ERBIN: variants seen among roughly 807,000 people sequenced by gnomAD.
ERBIN encodes densin-180-like protein.
Under a neutral mutation model 158.4 loss-of-function variants are expected in ERBIN, and 60 were observed. The observed-to-expected ratio is 0.38, with a 90% CI of 0.31 to 0.47. ERBIN has a LOEUF of 0.47. Ranked by LOEUF, ERBIN falls within the 20% of genes least tolerant of loss-of-function variation. ERBIN has a pLI of 0.99. For synonymous variants in ERBIN, 594 were observed against 557.2 expected (o/e 1.07, Z -0.93); for missense variants, 1,610 against 1,648.0 (o/e 0.98, Z 0.40).
intron 4 of ERBIN, 85 bp downstream of exon 4, chr5:65,994,949 T>C (rs1752260428): frequency 1.2e-6 from 1 of 811,270 alleles, no homozygotes; most frequent in Non-Finnish European, 2.0e-6. Flanking sequence ...AAAATAAAAA[T>C]ATAAAAATAA....
intron 25 of ERBIN, among the ~76,000 whole-genome samples, chr5:66,078,114 G>A (rs960630057): frequency 1.3e-5 from 2 of 152,132 alleles, no homozygotes; most frequent in African/African-American, 4.8e-5. Context: ...CCCCTGCTAC[G>A]CTACAGTTTG....
chr5:65,955,623 C>CAACA (rs199903769), intron 1 of ERBIN, among the ~76,000 whole-genome samples: 8 of 152,296 alleles, frequency 5.3e-5, no homozygotes, highest in African/African-American at 1.7e-4. Flanking sequence ...GACTCCATCT[C>CAACA]AACAAACAAA....
At chr5:66,076,027 C>T (rs947126024) in intron 23 of ERBIN, 16 of 322,630 alleles carry the variant, frequency 5.0e-5, no homozygotes, top group South Asian at 8.7e-5. Flanking sequence ...AAATCTGTGA[C>T]GTCTAAAAAG....
chr5:66,016,804 G>A (rs1394906353), intron 7 of ERBIN, among the ~76,000 whole-genome samples: 5 of 151,924 alleles, frequency 3.3e-5, no homozygotes, highest in South Asian at 2.1e-4. Context: ...TAGTAGAGAC[G>A]GGGTTTTGCT....
At chr5:65,941,968 C>T (rs898417446) in intron 1 of ERBIN, among the ~76,000 whole-genome samples, 1 of 152,150 alleles carries the variant, frequency 6.6e-6, no homozygotes, top group Non-Finnish European at 1.5e-5. Flanking sequence ...TCTCGATCTC[C>T]TGACCTCGTG....
intron 4 of ERBIN, among the ~76,000 whole-genome samples, chr5:65,998,316 A>G (rs1032456811): frequency 4.0e-5 from 6 of 150,680 alleles, no homozygotes; most frequent in Non-Finnish European, 7.4e-5. Flanking sequence ...ATTGAAATGT[A>G]TGTTTTATAG....
At position 66,054,181 on chromosome 5, in the gene ERBIN, C is replaced by G. The variant is rs764848212; in HGVS notation, c.2863C>G (p.Pro955Ala). 1.2e-6 allele frequency: 2 copies of G among 1,614,016 alleles called. No homozygotes were observed. The highest frequency in any genetic ancestry group is 8.5e-7 in the Non-Finnish European group (1 of 1,180,016). The change falls in exon 21 of 26, where the codon CCA becomes GCA. Residue 955 changes from proline (P) to alanine (A), a missense_variant. This residue lies in a region of ERBIN where 1,014 missense variants were observed against 936.1 expected (regional missense o/e 1.08). Coordinates refer to ENST00000284037, the MANE Select transcript of ERBIN (RefSeq NM_001253697.2). ...TGATTCAAATCATAATCCCGAAGAG[C>G]CAAATATAATAAGAGGCCCCACAAG... ...KFDSNHNPEE[P>A]NIIRGPTSGP...
At chr5:66,045,411 G>A (rs1435585263) in intron 17 of ERBIN, among the ~76,000 whole-genome samples, 1 of 145,874 alleles carries the variant, frequency 6.9e-6, no homozygotes, top group African/African-American at 2.8e-5. Context: ...ATTACATATA[G>A]CCTATATGTA....
At chr5:66,004,416 G>C (rs995660160) in intron 4 of ERBIN, among the ~76,000 whole-genome samples, 1 of 152,142 alleles carries the variant, frequency 6.6e-6, no homozygotes, top group South Asian at 2.1e-4. Flanking sequence ...GTGTATGTGT[G>C]AGTTGAGACA....
intron 1 of ERBIN, among the ~76,000 whole-genome samples, chr5:65,966,862 C>G (rs1748693090): frequency 6.6e-6 from 1 of 151,994 alleles, no homozygotes; most frequent in South Asian, 2.1e-4. Flanking sequence ...TAGTAATGAT[C>G]CTGACCCTGT....
intron 7 of ERBIN, among the ~76,000 whole-genome samples, chr5:66,015,402 A>G (rs1185247174): frequency 6.6e-6 from 1 of 152,058 alleles, no homozygotes; most frequent in East Asian, 1.9e-4. Flanking sequence ...GTTTCGTTGG[A>G]ACACAGCCAC....
At chr5:65,950,133 G>A (rs1286731429) in intron 1 of ERBIN, among the ~76,000 whole-genome samples, 2 of 151,648 alleles carry the variant, frequency 1.3e-5, no homozygotes, top group Non-Finnish European at 1.5e-5. Context: ...GGCCTCTTGA[G>A]TAGCTGGGAC....
At chr5:66,071,355 T>C (rs1761509717) in intron 21 of ERBIN, among the ~76,000 whole-genome samples, 1 of 150,278 alleles carries the variant, frequency 6.7e-6, no homozygotes, top group African/African-American at 2.5e-5. Context: ...GGTGGCAAAG[T>C]GAGACTCTCT....
Position 66,053,765 on chromosome 5 carries a change from T to G in ERBIN, c.2447T>G (p.Leu816Trp). The change falls in exon 21 of 26, where the codon TTG becomes TGG. Residue 816 changes from leucine (L) to tryptophan (W), a missense_variant. By Grantham distance (61) the Leu-to-Trp change is moderately conservative. Coordinates refer to ENST00000284037, the MANE Select transcript of ERBIN (RefSeq NM_001253697.2). ...GAAAATGGAAACAAGTATCCTAATT[T>G]GGAATCCGTAAATAAGGTAAATGGA... ...HLENGNKYPNLESVNKVNGHS... is the reference protein window; with the variant it reads ...HLENGNKYPNWESVNKVNGHS... 6.2e-7 allele frequency: 1 copy of G among 1,613,854 alleles called. No individual in the cohort carries two copies. The highest frequency in any genetic ancestry group is 8.5e-7 in the Non-Finnish European group (1 of 1,179,994).
chr5:66,058,433 T>C (rs1257729856), intron 21 of ERBIN, among the ~76,000 whole-genome samples: 1 of 152,048 alleles, frequency 6.6e-6, no homozygotes, highest in East Asian at 1.9e-4. Flanking sequence ...TTCTGGATAT[T>C]AGCCCTTTGT....
chr5:65,996,260 T>TTTG (rs1561349432), intron 4 of ERBIN, among the ~76,000 whole-genome samples: 32 of 149,948 alleles, frequency 2.1e-4, no homozygotes, highest in African/African-American at 7.7e-4. Flanking sequence ...TTTTTTTTTT[T>TTTG]TTTTTAACAG....
At chr5:66,038,914 A>G (rs938795857) in intron 15 of ERBIN, among the ~76,000 whole-genome samples, 1 of 152,014 alleles carries the variant, frequency 6.6e-6, no homozygotes, top group Non-Finnish European at 1.5e-5. Flanking sequence ...ATTTTGCCCG[A>G]CAAGGGGGAG....
intron 21 of ERBIN, among the ~76,000 whole-genome samples, chr5:66,060,961 C>A (rs952581136): frequency 6.6e-5 from 10 of 152,158 alleles, no homozygotes; most frequent in Non-Finnish European, 1.5e-5. Context: ...TGCTTTACTT[C>A]CAACTGTGTG....
At chr5:66,006,046 A>T (rs1753555983) in intron 4 of ERBIN, among the ~76,000 whole-genome samples, 1 of 152,142 alleles carries the variant, frequency 6.6e-6, no homozygotes, top group Admixed American at 6.6e-5. Context: ...AAAAAAAACT[A>T]AAGTTCATAT....
Sources: allele counts gnomAD v4.1 joint callset (sites outside exome capture counted in the v4.1 genomes callset), GRCh38; gene constraint gnomAD v4.1.1; regional missense constraint gnomAD v4.1.1; transcripts MANE v1.5; gene names NCBI Gene and HGNC (gene_info 2026-07-23, HGNC 2026-07-21).